Variants in TEPSIN observed in about 807,000 individuals in gnomAD.
The protein encoded by TEPSIN is AP-4 complex accessory subunit tepsin.
A neutral mutation model predicts 48.5 loss-of-function variants in TEPSIN; 50 were observed. The observed-to-expected ratio is 1.03, with a 90% CI of 0.82 to 1.31. TEPSIN has a LOEUF of 1.31. TEPSIN is among the 50% of genes most tolerant of loss of function. The probability of loss-of-function intolerance (pLI) is 0.00; values close to 1 mark genes in which losing one functional copy is unlikely to be tolerated. For synonymous variants in TEPSIN, 392 were observed against 358.8 expected, an observed-to-expected ratio of 1.09 and a Z score of -1.05; for missense variants, 838 against 815.9, an observed-to-expected ratio of 1.03 and a Z score of -0.33.
chr17:81,230,759 CTCT>C lies in TEPSIN; in HGVS notation c.1099-84_1099-82del. On this transcript the variant is annotated intron_variant, in intron 11 of 12. Coordinates refer to ENST00000637944, the MANE Select transcript of TEPSIN (RefSeq NM_001363764.2). The surrounding 1 kb of genome is among the most constrained non-coding windows in gnomAD (Gnocchi z 4.2). ...GAGGCCTATTTGGCCATCTCTCTCC[CTCT>C]TCTTCCTCCTCATCAATGACTGGAG... 1 of 1,433,854 alleles carries C rather than the reference CTCT, an allele frequency of 7.0e-7. No individual in the cohort carries two copies. The highest frequency in any genetic ancestry group is 9.2e-7 in the Non-Finnish European group (1 of 1,088,722). The allele number at this position is 1,433,854 out of a possible 1,614,324, so 88.8% of individuals were successfully genotyped here.
chr17:81,233,575 C>T lies in TEPSIN; in HGVS notation c.454+63G>A. The T allele has an allele frequency of 6.4e-7, 1 of 1,568,662 alleles. No individual in the cohort carries two copies. The highest frequency in any genetic ancestry group is 1.2e-5 in the South Asian group (1 of 84,490). On this transcript the variant is annotated intron_variant, in intron 6 of 12. Transcript: ENST00000637944. The surrounding 1 kb of genome is among the most constrained non-coding windows in gnomAD (Gnocchi z 5.8). ...CCTGCCCACGGATGGCACAGACACC[C>T]AGGACACTCAAGGAGGCAGAAACCA...
At position 81,234,271 on chromosome 17, in the gene TEPSIN, A is replaced by G. The variant is rs1460489811; in HGVS notation, c.308-223T>C. On this transcript the variant is annotated intron_variant, in intron 4 of 12. Transcript: ENST00000637944. This position sits in a 1 kb window ranked among gnomAD's most constrained non-coding sequence, Gnocchi z 5.4. ...GCCCCACAGAGGCGAGACTCTCTCC[A>G]CAGCAACCACCTCGTCTCCCCCAGG... 1.4e-5 allele frequency: 6 copies of G among 419,062 alleles called. No homozygotes were observed. Among genetic ancestry groups the G allele is most frequent in the African/African-American group, 6.2e-5 (3 of 48,476 alleles). The allele number at this position is 419,062 out of a possible 1,614,324, so 26.0% of individuals were successfully genotyped here.
At chr17:81,232,642 G>A in intron 7 of TEPSIN, 124 bp from the exon 8 acceptor site, 1 of 894,220 alleles carries the variant, frequency 1.1e-6, no homozygotes, top group East Asian at 2.7e-5. Context: ...CATGCTGCAG[G>A]TAGGGAGGCC....
At position 81,234,283 on chromosome 17, in the gene TEPSIN, TC is replaced by T; in HGVS notation, c.308-236del. ...CGAGACTCTCTCCACAGCAACCACC[TC>T]GTCTCCCCCAGGGTCGGCAACCCCT... On this transcript the variant is annotated intron_variant, in intron 4 of 12. Transcript: ENST00000637944. The surrounding 1 kb of genome is among the most constrained non-coding windows in gnomAD (Gnocchi z 5.4). 2 of 401,464 alleles carry T rather than the reference TC, an allele frequency of 5.0e-6. No individual in the cohort carries two copies. The highest frequency in any genetic ancestry group is 8.8e-5 in the Admixed American group (2 of 22,700). 24.9% of individuals were successfully genotyped at this position (401,464 alleles called of 1,614,324 possible).
chr17:81,232,243 T>C, intron 8 of TEPSIN, 72 bp downstream of exon 8: 1 of 1,432,988 alleles, frequency 7.0e-7, no homozygotes, highest in Non-Finnish European at 9.2e-7. Context: ...TTTGCCTCCG[T>C]GGCCGCAAAG....
intron 2 of TEPSIN, 145 bp from the exon 3 acceptor site, chr17:81,237,216 G>A: frequency 8.6e-7 from 1 of 1,157,462 alleles, no homozygotes; most frequent in South Asian, 1.4e-5. Context: ...GGCTTCTAGG[G>A]TCCCCTGTGT....
At position 81,234,532 on chromosome 17, in the gene TEPSIN, G is replaced by A. The variant is rs1168275424; in HGVS notation, c.308-484C>T. Among the ~76,000 whole-genome samples, 3 of 151,908 alleles carry A rather than the reference G, an allele frequency of 2.0e-5. No homozygotes were observed. Among genetic ancestry groups the A allele is most frequent in the East Asian group, 1.9e-4 (1 of 5,170 alleles). ...TGGGGCTTCTTTCCTTAAATCTTCCGGCCCCAGGGCCCCCCAAGCCTACAC... is the reference window on the plus strand; with the variant it reads ...TGGGGCTTCTTTCCTTAAATCTTCCAGCCCCAGGGCCCCCCAAGCCTACAC... On this transcript the variant is annotated intron_variant, in intron 4 of 12. Coordinates refer to ENST00000637944, the MANE Select transcript of TEPSIN (RefSeq NM_001363764.2). This position sits in a 1 kb window ranked among gnomAD's most constrained non-coding sequence, Gnocchi z 5.4.
At chr17:81,238,614 G>A in intron 1 of TEPSIN, 2 of 1,114,488 alleles carry the variant, frequency 1.8e-6, no homozygotes, top group Non-Finnish European at 1.1e-6. Context: ...CCGTCAGGGA[G>A]GACGGCGGGC....
rs1160590845 is a variant in TEPSIN at position 81,228,685 on chromosome 17, C to T, written c.*243G>A. 3.5e-6 allele frequency: 2 copies of T among 578,102 alleles called. No individual in the cohort carries two copies. The highest frequency in any genetic ancestry group is 6.0e-6 in the Non-Finnish European group (2 of 333,734). 35.8% of individuals were successfully genotyped at this position (578,102 alleles called of 1,614,324 possible). A position where few individuals can be genotyped will look rare whatever the true frequency, so the allele number is the denominator to read the frequency against. ...CTGAGAGCAAGACAGGCAGGGACTGCCCCCTGAGAGCCCTGAGATCGACAT... is the reference window on the plus strand; with the variant it reads ...CTGAGAGCAAGACAGGCAGGGACTGTCCCCTGAGAGCCCTGAGATCGACAT... On this transcript the variant is annotated 3_prime_UTR_variant, in exon 13 of 13. Coordinates refer to ENST00000637944, the MANE Select transcript of TEPSIN (RefSeq NM_001363764.2).
intron 10 of TEPSIN, 29 bp from the exon 11 acceptor site, chr17:81,231,505 G>A (rs747607239): frequency 8.3e-6 from 13 of 1,565,660 alleles, no homozygotes; most frequent in African/African-American, 1.4e-5. Flanking sequence ...TGGGTGGCGG[G>A]TGCGGCCCGT....
intron 1 of TEPSIN, chr17:81,238,258 C>T: frequency 1.2e-6 from 1 of 827,846 alleles, no homozygotes; most frequent in Non-Finnish European, 1.5e-6. Flanking sequence ...AGGGGAGCTG[C>T]TGAGGTTTGC....
chr17:81,238,888 G>A, intron 1 of TEPSIN, 98 bp downstream of exon 1: 2 of 1,366,678 alleles, frequency 1.5e-6, no homozygotes, highest in Non-Finnish European at 1.9e-6. Context: ...CCGGCGCGGA[G>A]ACGCAAGGTC....
chr17:81,228,532 C>G lies in TEPSIN; in HGVS notation c.*396G>C, dbSNP rs559033317. 1 of 302,174 alleles carries G rather than the reference C, an allele frequency of 3.3e-6. No individual in the cohort carries two copies. The highest frequency in any genetic ancestry group is 1.1e-3 in the Middle Eastern group (1 of 928). The allele number at this position is 302,174 out of a possible 1,614,324, so 18.7% of individuals were successfully genotyped here. ...CCAAACCCAGCCTCAGCACCTAGCC[C>G]ACCCCGATGGGACGGGGGAGCAGTG... On this transcript the variant is annotated 3_prime_UTR_variant, in exon 13 of 13. Transcript: ENST00000637944.
At chr17:81,237,125 G>C in intron 2 of TEPSIN, 54 bp from the exon 3 acceptor site, 7 of 1,511,538 alleles carry the variant, frequency 4.6e-6, no homozygotes, top group Non-Finnish European at 6.3e-6. Flanking sequence ...GCGCCAGGCC[G>C]CAGGGAGACC....
In TEPSIN at chr17:81,229,246, TG is replaced by T; in HGVS notation, c.1463del (p.Pro488GlnfsTer104). On this transcript the variant is annotated frameshift_variant, in exon 13 of 13. Transcript: ENST00000637944. LOFTEE classifies it low-confidence loss of function (END_TRUNC). ...CGGGGGCTGGAATGGGGGAGGCATCTGGGGGTGGGGTGGGCACAGGGCTGGA... is the reference window on the plus strand; with the variant it reads ...CGGGGGCTGGAATGGGGGAGGCATCTGGGGTGGGGTGGGCACAGGGCTGGA... ...MPSSPVPTPP[P>X]DASPIPAPGD... 2 of 324,476 alleles carry T rather than the reference TG, an allele frequency of 6.2e-6. No individual in the cohort carries two copies. Among genetic ancestry groups the T allele is most frequent in the Non-Finnish European group, 9.3e-6 (2 of 215,258 alleles). The allele number at this position is 324,476 out of a possible 1,614,324, so 20.1% of individuals were successfully genotyped here.
Position 81,231,596 on chromosome 17 carries a change from G to A in TEPSIN, c.1001C>T (p.Ala334Val). Residue 334 changes from alanine (A) to valine (V), a missense_variant, in exon 10 of 13, where the codon GCA becomes GTA. Physicochemically the swap from Ala to Val is moderately conservative, Grantham distance 64. Coordinates refer to ENST00000637944, the MANE Select transcript of TEPSIN (RefSeq NM_001363764.2). ...CACTCACGCTTTGATGAAGTGCTGT[G>A]CCTCCTCGCGGCTCAGGAAGGCGCG... The part of the protein sequence containing the change: ...GPRAFLSREE[A>V]QHFIKACGLL... 1.2e-6 allele frequency: 2 copies of A among 1,612,722 alleles called. No homozygotes were observed. The highest frequency in any genetic ancestry group is 1.7e-6 in the Non-Finnish European group (2 of 1,179,554).
At chr17:81,235,993 C>T (rs1347620836) in intron 4 of TEPSIN, among the ~76,000 whole-genome samples, 1 of 152,346 alleles carries the variant, frequency 6.6e-6, no homozygotes, top group East Asian at 1.9e-4. Context: ...ACGAGACAGA[C>T]TCAGTCTCCC....
At chr17:81,236,663 C>T (rs868088569) in intron 4 of TEPSIN, 45 bp downstream of exon 4, 1 of 1,534,962 alleles carries the variant, frequency 6.5e-7, no homozygotes, top group South Asian at 1.2e-5. Flanking sequence ...CTCCCCCATT[C>T]TCCAAAGCCC....
At chr17:81,236,526 A>C in intron 4 of TEPSIN, 182 bp downstream of exon 4, 1 of 673,588 alleles carries the variant, frequency 1.5e-6, no homozygotes, top group South Asian at 1.9e-5. Flanking sequence ...AGCTGGGGTG[A>C]GGGTGGGCAG....
Sources: gnomAD v4.1 joint callset for allele counts (sites outside exome capture counted in the v4.1 genomes callset) on GRCh38, gnomAD v4.1.1 for gene constraint, Gnocchi (gnomAD v3.1) non-coding constraint, MANE v1.5 for transcripts, NCBI Gene and HGNC (gene_info 2026-07-23, HGNC 2026-07-21) for gene names.